Variants in SFI1 observed in about 807,000 individuals in gnomAD.
The protein encoded by SFI1 is SFI1 centrin binding protein.
A neutral mutation model predicts 207.5 loss-of-function variants in SFI1; 195 were observed. The ratio of observed to expected loss-of-function variants is 0.94; its 90% CI spans 0.84 to 1.06. The LOEUF (loss-of-function observed/expected upper bound fraction) is 1.06, where lower values mean the gene tolerates loss of function less well. Ranked by LOEUF, SFI1 falls within the 50% of genes least tolerant of loss-of-function variation. The pLI, the probability that SFI1 is intolerant of heterozygous loss-of-function variation, is 0.00. For missense variants in SFI1, 1,634 were observed against 1,588.0 expected, an observed-to-expected ratio of 1.03 and a Z score of -0.49; for synonymous variants, 630 against 598.9, an observed-to-expected ratio of 1.05 and a Z score of -0.76.
intron 1 of SFI1, among the ~76,000 whole-genome samples, chr22:31,500,152 CTACT>C (rs140750025): frequency 0.22 from 32,563 of 150,632 alleles, 4,458 homozygotes; most frequent in East Asian, 0.43. Context: ...AACCCTGACT[CTACT>C]AAGAATATAA....
intron 18 of SFI1, 86 bp from the exon 19 acceptor site, chr22:31,604,223 G>A: frequency 1.0e-6 from 1 of 992,202 alleles, no homozygotes; most frequent in South Asian, 1.4e-5. Context: ...CACTCACACA[G>A]ATGATGTATA....
intron 1 of SFI1, among the ~76,000 whole-genome samples, chr22:31,506,985 C>A (rs1414606071): frequency 1.3e-5 from 2 of 152,178 alleles, no homozygotes; most frequent in South Asian, 4.1e-4. Context: ...CATTGACATT[C>A]TTCACAGAAT....
At chr22:31,593,137 C>CG (rs1292490214) in intron 15 of SFI1, among the ~76,000 whole-genome samples, 2 of 142,134 alleles carry the variant, frequency 1.4e-5, no homozygotes, top group African/African-American at 2.6e-5. Flanking sequence ...GGGGGCTGAC[C>CG]CCCCCCCACC....
At chr22:31,604,747 C>T (rs1337367535) in intron 19 of SFI1, 122 bp from the exon 20 acceptor site, 8 of 873,230 alleles carry the variant, frequency 9.2e-6, no homozygotes, top group Non-Finnish European at 1.2e-5. Context: ...CTGTTGGCCT[C>T]TTCCTACCCT....
intron 2 of SFI1, among the ~76,000 whole-genome samples, chr22:31,523,602 A>T (rs954159954): frequency 2.0e-5 from 3 of 152,128 alleles, no homozygotes; most frequent in African/African-American, 7.2e-5. Context: ...CACAACCCCA[A>T]GCAATGTTAT....
intron 1 of SFI1, among the ~76,000 whole-genome samples, chr22:31,506,011 T>C (rs1487902880): frequency 6.6e-6 from 1 of 150,582 alleles, no homozygotes; most frequent in Non-Finnish European, 1.5e-5. Flanking sequence ...GCGATTGCAC[T>C]GCTGCATTCC....
At chr22:31,615,450 C>T in intron 29 of SFI1, 171 bp downstream of exon 29, 1 of 513,986 alleles carries the variant, frequency 1.9e-6, no homozygotes, top group Non-Finnish European at 3.2e-6. Flanking sequence ...AGGGCCACAG[C>T]AGTGAACAGC....
chr22:31,580,365 G>A lies in SFI1; in HGVS notation c.1248+1G>A. 1 of 1,613,060 alleles carries A rather than the reference G, an allele frequency of 6.2e-7. No individual in the cohort carries two copies. The highest frequency in any genetic ancestry group is 8.5e-7 in the Non-Finnish European group (1 of 1,179,118). On this transcript the variant is annotated splice_donor_variant, in intron 12 of 32. Coordinates refer to ENST00000400288, the MANE Select transcript of SFI1 (RefSeq NM_001007467.3). LOFTEE classifies it high-confidence loss of function. The stretch of plus-strand genomic sequence containing the variant: ...TGCTCACCAGCAGCATGGTGTCACG[G>A]TGAGGGTTGTCTTCTGTATCAAGGG...
chr22:31,590,959 ATT>A (rs1328921019), intron 15 of SFI1, among the ~76,000 whole-genome samples: 2 of 13,080 alleles, frequency 1.5e-4, no homozygotes, highest in Non-Finnish European at 2.6e-4. Flanking sequence ...CTTTTTATTT[ATT>A]TATTTATTTA....
intron 10 of SFI1, among the ~76,000 whole-genome samples, chr22:31,575,856 A>G (rs1224934300): frequency 6.6e-6 from 1 of 152,188 alleles, no homozygotes; most frequent in Non-Finnish European, 1.5e-5. Context: ...CGTAGCAGAC[A>G]TTATGCATCA....
Position 31,615,139 on chromosome 22 carries a change from C to T in SFI1, c.3160C>T (p.Leu1054=), listed in dbSNP as rs751502714. 1 of 1,609,046 alleles carries T rather than the reference C, an allele frequency of 6.2e-7. No homozygotes were observed. Among genetic ancestry groups the T allele is most frequent in the African/African-American group, 1.3e-5 (1 of 74,760 alleles). ...RPFLAEAPTA[L]VPHSPLPGAL... is the part of the protein sequence containing the mutation. ...CTTCCTGGCAGAGGCCCCGACAGCA[C>T]TGGTCCCACACAGCCCCCTGCCTGG... is the stretch of plus-strand genomic sequence containing the variant. Residue 1054 remains leucine, a synonymous_variant, in exon 29 of 33, where the codon CTG becomes TTG. Transcript: ENST00000400288.
At chr22:31,612,428 A>G (rs2070495705) in intron 24 of SFI1, 1 of 109,172 alleles carries the variant, frequency 9.2e-6, no homozygotes, top group African/African-American at 3.4e-5. Flanking sequence ...TATATATATA[A>G]TCAGTGGGCC....
In SFI1 at chr22:31,543,484, CT is replaced by C. The variant is rs970562913; in HGVS notation, c.339-3375del. Among the ~76,000 whole-genome samples the C allele has an allele frequency of 1.6e-4, 24 of 152,092 alleles. 1 individual carries two copies. Among genetic ancestry groups the C allele is most frequent in the African/African-American group, 5.5e-4 (23 of 41,504 alleles). ...TATAAGCAATAGTGAGGTGAATTAC[CT>C]TATGTATGTCTTTGTAAGCTAGTTT... On this transcript the variant is annotated intron_variant, in intron 4 of 32. Transcript: ENST00000400288.
chr22:31,515,063 C>T (rs531906834), intron 2 of SFI1, among the ~76,000 whole-genome samples: 4 of 152,210 alleles, frequency 2.6e-5, no homozygotes, highest in Admixed American at 2.0e-4. Flanking sequence ...GCCACTGTGC[C>T]GGGCTAACCA....
chr22:31,514,507 CAAA>C (rs776120363), intron 2 of SFI1, among the ~76,000 whole-genome samples: 6 of 48,970 alleles, frequency 1.2e-4, no homozygotes, highest in Admixed American at 4.7e-4. Flanking sequence ...GACTCTGTCT[CAAA>C]AAAAAAAAAA....
intron 15 of SFI1, among the ~76,000 whole-genome samples, chr22:31,592,846 C>G (rs1192162435): frequency 1.5e-5 from 2 of 137,516 alleles, no homozygotes; most frequent in Admixed American, 6.8e-5. Context: ...GGCGGCTGGC[C>G]AGGCGGGGGG....
At chr22:31,614,280 G>T in intron 27 of SFI1, 1 of 319,216 alleles carries the variant, frequency 3.1e-6, no homozygotes, top group South Asian at 3.2e-5. Flanking sequence ...TCTTGTGTGA[G>T]CTGGCACCTG....
intron 4 of SFI1, among the ~76,000 whole-genome samples, chr22:31,535,174 C>CT (rs2058861650): frequency 7.1e-6 from 1 of 140,584 alleles, no homozygotes; most frequent in South Asian, 2.3e-4. Context: ...GCCTCAAATG[C>CT]TTTTTTATTG....
rs1344975358 is a variant in SFI1, at chr22:31,575,385, G to A, written c.1077G>A (p.Trp359Ter). ...CCCTGCGGCGCGCCTTTACTCACTG[G>A]AAACACTGTATCCTTTCAGATACTC... ...KMALRRAFTH[W>*]KHYMLLCAEE... The change falls in exon 10 of 33, where the codon TGG (tryptophan) becomes TGA (stop). Residue 359 changes from tryptophan to a stop codon, truncating the protein, a stop_gained. Coordinates refer to ENST00000400288, the MANE Select transcript of SFI1 (RefSeq NM_001007467.3). LOFTEE classifies it high-confidence loss of function. The A allele has an allele frequency of 1.2e-6, 2 of 1,606,354 alleles. No individual in the cohort carries two copies. Among genetic ancestry groups the A allele is most frequent in the Non-Finnish European group, 1.7e-6 (2 of 1,176,632 alleles).
Sources: gnomAD v4.1 joint callset for allele counts (sites outside exome capture counted in the v4.1 genomes callset) on GRCh38, gnomAD v4.1.1 for gene constraint, MANE v1.5 for transcripts, NCBI Gene and HGNC (gene_info 2026-07-23, HGNC 2026-07-21) for gene names.